EYA3: variants seen among roughly 807,000 people sequenced by gnomAD.
EYA3 encodes the protein EYA transcriptional coactivator and phosphatase 3, also known as protein phosphatase EYA3.
Under a neutral mutation model 80.0 loss-of-function variants are expected in EYA3, and 39 were observed. The ratio of observed to expected loss-of-function variants is 0.49; its 90% confidence interval spans 0.38 to 0.64. The LOEUF (loss-of-function observed/expected upper bound fraction) is 0.64, where lower values mean the gene tolerates loss of function less well. Ranked by LOEUF, EYA3 falls within the 30% of genes least tolerant of loss-of-function variation. The pLI is 0.00. For missense variants in EYA3, 523 were observed against 676.1 expected, an observed-to-expected ratio of 0.77 and a Z score of 2.51; for synonymous variants, 206 against 232.8, an observed-to-expected ratio of 0.88 and a Z score of 1.05.
At chr1:28,024,115 T>C (rs971075569) in intron 7 of EYA3, among the ~76,000 whole-genome samples, 5 of 152,070 alleles carry the variant, frequency 3.3e-5, no homozygotes, top group East Asian at 3.9e-4. Context: ...GGCATGTGCC[T>C]GTAATCCCAG....
At chr1:28,047,938 G>A (rs979360253) in intron 3 of EYA3, among the ~76,000 whole-genome samples, 18 of 152,072 alleles carry the variant, frequency 1.2e-4, no homozygotes, top group Admixed American at 5.2e-4. Context: ...CGTGCCAGGC[G>A]CAAGCTTCCT....
In EYA3 at chr1:28,043,553, T is replaced by C. The variant is rs537251837; in HGVS notation, c.78-903A>G. Among the ~76,000 whole-genome samples, 44 of 152,098 alleles carry C rather than the reference T, an allele frequency of 2.9e-4. 1 individual carries two copies. The highest frequency in any genetic ancestry group is 9.6e-4 in the African/African-American group (40 of 41,516). ...TGAGAAGTGTTTTCAAATTACACGT[T>C]TGGGCCAGGTGCGGTGGCTTACACC... On this transcript the variant is annotated intron_variant, in intron 3 of 17. Coordinates refer to ENST00000373871, the MANE Select transcript of EYA3 (RefSeq NM_001990.4).
Position 27,993,431 on chromosome 1 carries a change from T to C in EYA3, c.1272A>G (p.Glu424=). ...KLAFRYRKVR[E]IYDKHKSNVG... Reference sequence around the variant, plus strand: ...CGTTGCTTTTATGCTTATCATAGATTTCTCTCACTTTCCGGTAGCGGAAAG... The same window carrying C: ...CGTTGCTTTTATGCTTATCATAGATCTCTCTCACTTTCCGGTAGCGGAAAG... The change falls in exon 14 of 18, where the codon GAA becomes GAG. Residue 424 remains glutamate, a synonymous_variant. Coordinates refer to ENST00000373871, the MANE Select transcript of EYA3 (RefSeq NM_001990.4). The C allele has an allele frequency of 1.2e-6, 2 of 1,613,670 alleles. No homozygotes were observed. Among genetic ancestry groups the C allele is most frequent in the Non-Finnish European group, 1.7e-6 (2 of 1,179,814 alleles).
chr1:27,989,603 A>G, intron 15 of EYA3, 94 bp downstream of exon 15: 2 of 751,342 alleles, frequency 2.7e-6, no homozygotes, highest in Non-Finnish European at 2.2e-6. Flanking sequence ...CTCTACCCCT[A>G]TCCCAAACCC....
At position 28,031,495 on chromosome 1, in the gene EYA3, C is replaced by CT. The variant is rs555262745; in HGVS notation, c.362-3570dup. Among the ~76,000 whole-genome samples, 311 of 152,360 alleles carry CT rather than the reference C, an allele frequency of 2.0e-3. 1 individual carries two copies. Among genetic ancestry groups the CT allele is most frequent in the African/African-American group, 7.2e-3 (301 of 41,584 alleles). On this transcript the variant is annotated intron_variant, in intron 6 of 17. Transcript: ENST00000373871. ...TAACAATGGGTAAGTAAGTCTGTCT[C>CT]TGAGTGCCTTCCTGATGCCCCCAGA...
At chr1:28,080,205 G>C (rs1008489566) in intron 1 of EYA3, among the ~76,000 whole-genome samples, 3 of 152,104 alleles carry the variant, frequency 2.0e-5, no homozygotes, top group African/African-American at 7.2e-5. Flanking sequence ...AGCACTTTGG[G>C]AGGCTGAGGC....
chr1:28,086,612 T>C (rs1362476314), intron 1 of EYA3, among the ~76,000 whole-genome samples: 2 of 152,216 alleles, frequency 1.3e-5, no homozygotes, highest in Non-Finnish European at 2.9e-5. Flanking sequence ...TCCCATCATT[T>C]TTGGGGTTTA....
Position 28,010,927 on chromosome 1 carries a change from A to T in EYA3, c.909+20T>A. On this transcript the variant is annotated intron_variant, in intron 10 of 17. Coordinates refer to ENST00000373871, the MANE Select transcript of EYA3 (RefSeq NM_001990.4). The stretch of plus-strand genomic sequence containing the variant: ...GTGAGAAAGAACAAAGTAGGTAACT[A>T]AATCAGTTTCTTCTCATACTTCTAA... 1 of 1,605,326 alleles carries T rather than the reference A, an allele frequency of 6.2e-7. No individual in the cohort carries two copies. Among genetic ancestry groups the T allele is most frequent in the Non-Finnish European group, 8.5e-7 (1 of 1,177,262 alleles).
At chr1:28,060,352 TA>T (rs1055925871) in intron 1 of EYA3, among the ~76,000 whole-genome samples, 7 of 152,196 alleles carry the variant, frequency 4.6e-5, no homozygotes, top group Non-Finnish European at 8.8e-5. Context: ...TCATGGGTTT[TA>T]AAAAGTAAGA....
At chr1:27,999,061 G>A (rs914188016) in intron 12 of EYA3, among the ~76,000 whole-genome samples, 18 of 152,116 alleles carry the variant, frequency 1.2e-4, no homozygotes, top group African/African-American at 4.1e-4. Flanking sequence ...GAGCCACCAC[G>A]CCCAGCCTAT....
intron 17 of EYA3, 123 bp from the exon 18 acceptor site, chr1:27,974,669 C>T: frequency 1.5e-6 from 1 of 661,366 alleles, no homozygotes; most frequent in Non-Finnish European, 2.7e-6. Flanking sequence ...TCTATCCCTG[C>T]CTCATAGGGC....
At chr1:28,019,247 C>T (rs1025625251) in intron 7 of EYA3, among the ~76,000 whole-genome samples, 5 of 152,144 alleles carry the variant, frequency 3.3e-5, no homozygotes, top group East Asian at 1.9e-4. Flanking sequence ...TTCTATAGCA[C>T]GTTTTGCTTC....
intron 6 of EYA3, among the ~76,000 whole-genome samples, chr1:28,035,137 G>C (rs1323512100): frequency 6.6e-6 from 1 of 152,032 alleles, no homozygotes; most frequent in Non-Finnish European, 1.5e-5. Context: ...AGGAGAGGGA[G>C]AAGTTGGCAA....
chr1:28,036,349 T>C (rs1334787269), intron 5 of EYA3, among the ~76,000 whole-genome samples: 2 of 152,084 alleles, frequency 1.3e-5, no homozygotes, highest in African/African-American at 4.8e-5. Context: ...CCTAATATAA[T>C]AGAAAACTAA....
chr1:27,989,653 A>C (rs369427211), intron 15 of EYA3, 44 bp downstream of exon 15: 3 of 1,292,188 alleles, frequency 2.3e-6, no homozygotes, highest in Non-Finnish European at 3.3e-6. Context: ...GAGTAGAAGA[A>C]TATGTCGCTG....
rs377723253 is a variant in EYA3, at chr1:28,009,669, A to AAC, written c.909+1277_909+1278insGT. On this transcript the variant is annotated intron_variant, in intron 10 of 17. Transcript: ENST00000373871. This position sits in a 1 kb window ranked among gnomAD's most constrained non-coding sequence, Gnocchi z 4.8. ...ACAACAACAACAACAACAACAACAAAAAACCATTATGGTAAATGAAATAAG... is the reference window on the plus strand; with the variant it reads ...ACAACAACAACAACAACAACAACAAAACAAACCATTATGGTAAATGAAATAAG... Among the ~76,000 whole-genome samples, 71 of 142,048 alleles carry AAC rather than the reference A, an allele frequency of 5.0e-4. No individual in the cohort carries two copies. In the South Asian group the frequency reaches 7.4e-3, roughly 15 times the overall value. The allele number at this position is 142,048 out of a possible 152,430, so 93.2% of individuals were successfully genotyped here. A position where few individuals can be genotyped will look rare whatever the true frequency, so the allele number is the denominator to read the frequency against.
intron 16 of EYA3, among the ~76,000 whole-genome samples, chr1:27,987,210 T>C (rs754718147): frequency 9.2e-5 from 14 of 152,204 alleles, no homozygotes; most frequent in Non-Finnish European, 1.6e-4. Flanking sequence ...TCATAAAGTA[T>C]TTGTCTTTTT....
intron 14 of EYA3, 24 bp from the exon 15 acceptor site, chr1:27,989,835 T>G (rs767929575): frequency 6.8e-7 from 1 of 1,464,844 alleles, no homozygotes; most frequent in African/African-American, 1.4e-5. Context: ...AGCAGACACA[T>G]TTATCATTTG....
chr1:28,043,347 C>T (rs2761455), intron 3 of EYA3, among the ~76,000 whole-genome samples: 1 of 77,830 alleles, frequency 1.3e-5, no homozygotes, highest in Non-Finnish European at 2.9e-5. Flanking sequence ...AAAAAAAAAA[C>T]GTGAAAACAC....
Sources: allele counts gnomAD v4.1 joint callset (sites outside exome capture counted in the v4.1 genomes callset), GRCh38; gene constraint gnomAD v4.1.1; non-coding constraint Gnocchi (gnomAD v3.1); transcripts MANE v1.5; gene names NCBI Gene and HGNC (gene_info 2026-07-23, HGNC 2026-07-21).